The following TSPAN14 variants were observed in gnomAD, a reference collection of about 807,000 sequenced individuals.
TSPAN14 encodes the protein tetraspanin 14, also known as tetraspanin-14.
Under a neutral mutation model 36.6 loss-of-function variants are expected in TSPAN14, and 16 were observed. The ratio of observed to expected loss-of-function variants is 0.44; its 90% CI spans 0.30 to 0.66. The LOEUF (loss-of-function observed/expected upper bound fraction) is 0.66, where lower values mean the gene tolerates loss of function less well. Ranked by LOEUF, TSPAN14 falls within the 30% of genes least tolerant of loss-of-function variation. The pLI, the probability that TSPAN14 is intolerant of heterozygous loss-of-function variation, is 0.12. For synonymous variants in TSPAN14, 139 were observed against 143.8 expected (o/e 0.97, Z 0.24); for missense variants, 231 against 355.1 (o/e 0.65, Z 2.81).
rs188861340 is a variant in TSPAN14, at chr10:80,499,760, C to T, written c.82-4968C>T. Among the ~76,000 whole-genome samples, 7 of 152,358 alleles carry T rather than the reference C, an allele frequency of 4.6e-5. No individual in the cohort carries two copies. In the East Asian group the frequency reaches 7.7e-4, roughly 17 times the overall value. ...CCTTAGGTCCATTAAGTATTTAATG[C>T]AGCGCACAGCTCCCAGGAAAGGGCA... On this transcript the variant is annotated intron_variant, in intron 2 of 8. Transcript: ENST00000429989.
chr10:80,504,606 GC>G, intron 2 of TSPAN14, 121 bp from the exon 3 acceptor site: 1 of 1,133,354 alleles, frequency 8.8e-7, no homozygotes, highest in Admixed American at 1.9e-5. Flanking sequence ...GGCCTGAGGG[GC>G]CATGTGGGAT....
chr10:80,496,374 A>C (rs540304544), intron 2 of TSPAN14, among the ~76,000 whole-genome samples: 1 of 152,292 alleles, frequency 6.6e-6, no homozygotes, highest in South Asian at 2.1e-4. Flanking sequence ...TCGCATATGC[A>C]TACTCTATGA....
exon 9 of TSPAN14, chr10:80,520,067 G>A (rs1841174937): frequency 6.3e-6 from 1 of 158,360 alleles, no homozygotes; most frequent in Non-Finnish European, 1.4e-5. Context: ...GCTGCTGCAT[G>A]AGCTGTGTGT....
chr10:80,476,592 T>G (rs1221170616), intron 1 of TSPAN14, among the ~76,000 whole-genome samples: 4 of 151,798 alleles, frequency 2.6e-5, no homozygotes, highest in Non-Finnish European at 5.9e-5. Flanking sequence ...ATTTTTTGTA[T>G]TTTTAGTAGA....
intron 1 of TSPAN14, among the ~76,000 whole-genome samples, chr10:80,471,711 A>G (rs1846561486): frequency 6.6e-6 from 1 of 152,112 alleles, no homozygotes; most frequent in Admixed American, 6.5e-5. Context: ...TTGGAAGTCA[A>G]GGTGCCAGGC....
intron 2 of TSPAN14, among the ~76,000 whole-genome samples, chr10:80,501,541 G>T (rs1848526362): frequency 6.6e-6 from 1 of 152,196 alleles, no homozygotes; most frequent in Admixed American, 6.5e-5. Flanking sequence ...GTTTTGTTGA[G>T]TGTCCTTAAG....
chr10:80,470,304 T>C (rs969969012), intron 1 of TSPAN14, among the ~76,000 whole-genome samples: 7 of 152,206 alleles, frequency 4.6e-5, no homozygotes, highest in African/African-American at 1.7e-4. Context: ...AGGCTGGTCT[T>C]GAACTTCTGA....
intron 1 of TSPAN14, among the ~76,000 whole-genome samples, chr10:80,486,033 G>A (rs1477489550): frequency 6.6e-6 from 1 of 152,238 alleles, no homozygotes; most frequent in African/African-American, 2.4e-5. Flanking sequence ...TTATTCCGCA[G>A]TGTGGCCCCT....
exon 2 of TSPAN14, chr10:80,489,288 C>G (rs767352927): frequency 5.7e-6 from 9 of 1,580,600 alleles, no homozygotes; most frequent in Non-Finnish European, 7.8e-6. Flanking sequence ...CAAGTACCTC[C>G]TTTTCAGCTA....
Position 80,458,350 on chromosome 10 carries a change from G to A in TSPAN14, c.-18+3979G>A, listed in dbSNP as rs1902661. On this transcript the variant is annotated intron_variant, in intron 1 of 8. Coordinates refer to ENST00000429989, the Ensembl canonical transcript of TSPAN14. ...AGTTAAATTTTCCCCCTCAGGCCAC[G>A]TTAGTAGGATTTTGAAGAGTCAGCC... Among the ~76,000 whole-genome samples, 12 of 152,118 alleles carry A rather than the reference G, an allele frequency of 7.9e-5. No individual in the cohort carries two copies. In the East Asian group the frequency reaches 1.4e-3, roughly 17 times the overall value.
chr10:80,509,043 CT>C lies in TSPAN14; in HGVS notation c.280-253del, dbSNP rs1160923291. Among the ~76,000 whole-genome samples, 2 of 152,198 alleles carry C rather than the reference CT, an allele frequency of 1.3e-5. No individual in the cohort carries two copies. Among genetic ancestry groups the C allele is most frequent in the South Asian group, 4.1e-4 (2 of 4,830 alleles). ...CACATTGGCTTGGAGCTTTCTCACACTTTTTCACGCATTTGAGTGTTATCAG... is the reference window on the plus strand; with the variant it reads ...CACATTGGCTTGGAGCTTTCTCACACTTTTCACGCATTTGAGTGTTATCAG... On this transcript the variant is annotated intron_variant, in intron 4 of 8. Transcript: ENST00000429989. The surrounding 1 kb of genome is among the most constrained non-coding windows in gnomAD (Gnocchi z 4.7).
At chr10:80,497,261 C>T (rs1848247063) in intron 2 of TSPAN14, among the ~76,000 whole-genome samples, 1 of 152,164 alleles carries the variant, frequency 6.6e-6, no homozygotes, top group Non-Finnish European at 1.5e-5. Context: ...TAGGGTATCC[C>T]AGGCTTTGTG....
intron 1 of TSPAN14, among the ~76,000 whole-genome samples, chr10:80,474,022 C>G (rs1846713010): frequency 6.6e-6 from 1 of 152,118 alleles, no homozygotes; most frequent in Non-Finnish European, 1.5e-5. Context: ...CTGGGCCTGC[C>G]TGTTCCTTTG....
chr10:80,498,848 G>C (rs1848342763), intron 2 of TSPAN14, among the ~76,000 whole-genome samples: 1 of 152,222 alleles, frequency 6.6e-6, no homozygotes, highest in Non-Finnish European at 1.5e-5. Flanking sequence ...GCTCAGAGAA[G>C]GTCTTGGACT....
intron 1 of TSPAN14, chr10:80,485,838 A>G (rs1405140827): frequency 5.6e-6 from 2 of 354,836 alleles, no homozygotes; most frequent in Non-Finnish European, 7.9e-6. Context: ...AGGATGGGGG[A>G]AAAAGTGTCA....
intron 3 of TSPAN14, among the ~76,000 whole-genome samples, chr10:80,504,997 C>A (rs1472377931): frequency 1.3e-5 from 2 of 152,208 alleles, no homozygotes; most frequent in African/African-American, 4.8e-5. Context: ...GGGTTTTGAG[C>A]CCTGTGGATG....
chr10:80,494,648 C>T (rs1848094939), intron 2 of TSPAN14, among the ~76,000 whole-genome samples: 1 of 152,156 alleles, frequency 6.6e-6, no homozygotes, highest in South Asian at 2.1e-4. Context: ...TGGAAAATTG[C>T]CCTTATTTGA....
At chr10:80,492,833 AT>A (rs978314814) in intron 2 of TSPAN14, among the ~76,000 whole-genome samples, 1 of 151,962 alleles carries the variant, frequency 6.6e-6, no homozygotes, top group African/African-American at 2.4e-5. Flanking sequence ...AAAAAGACTT[AT>A]TTTCACAATA....
At chr10:80,489,195 C>G in intron 1 of TSPAN14, 22 bp from the exon 2 acceptor site, 1 of 1,505,184 alleles carries the variant, frequency 6.6e-7, no homozygotes, top group Non-Finnish European at 9.1e-7. Context: ...TGCCATCTCA[C>G]TAGTCACACA....
Sources: gnomAD v4.1 joint callset for allele counts (sites outside exome capture counted in the v4.1 genomes callset) on GRCh38, gnomAD v4.1.1 for gene constraint, Gnocchi (gnomAD v3.1) non-coding constraint, MANE v1.5 for transcripts, NCBI Gene and HGNC (gene_info 2026-07-23, HGNC 2026-07-21) for gene names.